The following FYB1 variants were observed in gnomAD, a reference collection of about 807,000 sequenced individuals.
FYB1 encodes FYN binding protein 1.
In FYB1, 41 loss-of-function variants were observed where a neutral mutation model predicts 94.1. The ratio of observed to expected loss-of-function variants is 0.44; its 90% CI spans 0.34 to 0.57. The LOEUF (loss-of-function observed/expected upper bound fraction) is 0.57. Among genes scored for constraint, FYB1 ranks in the 20% least tolerant of loss-of-function variants. FYB1 has a pLI of 0.02. For missense variants in FYB1, 1,050 were observed against 976.8 expected, an observed-to-expected ratio of 1.07 and a Z score of -1.00; for synonymous variants, 367 against 353.2, an observed-to-expected ratio of 1.04 and a Z score of -0.44.
chr5:39,191,119 T>G (rs903752546), intron 2 of FYB1, among the ~76,000 whole-genome samples: 8 of 152,366 alleles, frequency 5.3e-5, no homozygotes, highest in African/African-American at 1.9e-4. Context: ...TATGGATGTC[T>G]GTCTGAGAGA....
At chr5:39,215,474 G>A (rs191968936) in intron 1 of FYB1, among the ~76,000 whole-genome samples, 1 of 152,306 alleles carries the variant, frequency 6.6e-6, no homozygotes, top group Admixed American at 6.5e-5. Context: ...TTTTTTTAAA[G>A]CAGCACTTGC....
At chr5:39,183,808 G>A (rs1178701408) in intron 2 of FYB1, among the ~76,000 whole-genome samples, 1 of 152,166 alleles carries the variant, frequency 6.6e-6, no homozygotes, top group Non-Finnish European at 1.5e-5. Context: ...TAAAAATGGA[G>A]ATACGTAGGC....
chr5:39,238,541 T>G (rs1379340513), intron 1 of FYB1, among the ~76,000 whole-genome samples: 2 of 151,984 alleles, frequency 1.3e-5, no homozygotes, highest in Non-Finnish European at 2.9e-5. Context: ...AAAGAGCAGC[T>G]GTCATGTGAG....
At chr5:39,158,980 T>C (rs1235993527) in intron 2 of FYB1, among the ~76,000 whole-genome samples, 1 of 152,190 alleles carries the variant, frequency 6.6e-6, no homozygotes, top group Non-Finnish European at 1.5e-5. Flanking sequence ...TTAATCTCCA[T>C]GTGATTTAGT....
chr5:39,134,449 C>T (rs1000561072), intron 8 of FYB1, 100 bp from the exon 9 acceptor site: 7 of 1,066,186 alleles, frequency 6.6e-6, no homozygotes, highest in Middle Eastern at 3.1e-4. Context: ...TAAACTTTCC[C>T]CTGATTTATT....
chr5:39,245,956 C>A (rs1480679885), intron 1 of FYB1, among the ~76,000 whole-genome samples: 1 of 152,178 alleles, frequency 6.6e-6, no homozygotes, highest in African/African-American at 2.4e-5. Context: ...ATAGATCTTT[C>A]TTTAAAGCAG....
At chr5:39,263,406 T>G (rs935441506) in intron 1 of FYB1, among the ~76,000 whole-genome samples, 3 of 152,120 alleles carry the variant, frequency 2.0e-5, no homozygotes, top group African/African-American at 4.8e-5. Context: ...GGGATAGATC[T>G]TGCTGCAGAA....
chr5:39,170,048 C>T, intron 2 of FYB1: 1 of 810,354 alleles, frequency 1.2e-6, no homozygotes, highest in Non-Finnish European at 2.2e-6. Context: ...TGAGAGGCCT[C>T]CACTGGTGTC....
upstream of FYB1, among the ~76,000 whole-genome samples, chr5:39,224,531 A>G (rs1750392952): frequency 6.6e-6 from 1 of 152,180 alleles, no homozygotes; most frequent in African/African-American, 2.4e-5. Context: ...AGCCAATCAC[A>G]TCCTGATCAC....
chr5:39,206,720 G>A (rs1748888460), intron 1 of FYB1, among the ~76,000 whole-genome samples: 1 of 152,116 alleles, frequency 6.6e-6, no homozygotes, highest in South Asian at 2.1e-4. Flanking sequence ...TAAACTACAT[G>A]GTGACCTTCC....
intron 2 of FYB1, among the ~76,000 whole-genome samples, chr5:39,200,285 A>T (rs972666287): frequency 2.0e-5 from 3 of 152,164 alleles, no homozygotes; most frequent in Non-Finnish European, 4.4e-5. Context: ...CTTGGTTAGC[A>T]TTTGTGGCAA....
chr5:39,212,914 T>G (rs867857390), intron 1 of FYB1: 1 of 152,124 alleles, frequency 6.6e-6, no homozygotes, highest in Non-Finnish European at 1.5e-5. Context: ...GACTCCTTGC[T>G]TATGTGCTAA....
intron 5 of FYB1, chr5:39,138,922 T>C: frequency 1.8e-6 from 1 of 570,316 alleles, no homozygotes; most frequent in South Asian, 1.9e-5. Context: ...TTGGCTTATT[T>C]AAAATATTTT....
chr5:39,212,979 A>G (rs1749548547), intron 1 of FYB1: 1 of 151,184 alleles, frequency 6.6e-6, no homozygotes, highest in Non-Finnish European at 1.5e-5. Flanking sequence ...CTTTACTAAA[A>G]GTGCTTTTCT....
intron 3 of FYB1, among the ~76,000 whole-genome samples, chr5:39,145,346 A>C (rs948957788): frequency 2.6e-5 from 4 of 152,196 alleles, no homozygotes; most frequent in African/African-American, 9.6e-5. Flanking sequence ...AATGTTTAAA[A>C]ATGAAATTAA....
chr5:39,268,238 T>C (rs1337610974), intron 1 of FYB1, among the ~76,000 whole-genome samples: 2 of 151,462 alleles, frequency 1.3e-5, no homozygotes, highest in Non-Finnish European at 2.9e-5. Context: ...ATTTCTTTTT[T>C]TCTTTTTTTT....
At chr5:39,190,024 A>G (rs973327771) in intron 2 of FYB1, among the ~76,000 whole-genome samples, 16 of 152,366 alleles carry the variant, frequency 1.1e-4, no homozygotes, top group African/African-American at 3.6e-4. Flanking sequence ...TTTGAATAAC[A>G]CACAGGATGA....
chr5:39,230,757 T>C (rs900400100), intron 1 of FYB1, among the ~76,000 whole-genome samples: 1 of 151,722 alleles, frequency 6.6e-6, no homozygotes, highest in African/African-American at 2.4e-5. Context: ...GATGCTGGCA[T>C]CACGGTCTAA....
At chr5:39,231,398 G>A (rs2150571734) in intron 1 of FYB1, among the ~76,000 whole-genome samples, 1 of 152,176 alleles carries the variant, frequency 6.6e-6, no homozygotes, top group South Asian at 2.1e-4. Context: ...GGGTTACAAA[G>A]CTTTCTGTTA....
Sources: allele counts gnomAD v4.1 joint callset (sites outside exome capture counted in the v4.1 genomes callset), GRCh38; gene constraint gnomAD v4.1.1; transcripts MANE v1.5; gene names NCBI Gene and HGNC (gene_info 2026-07-23, HGNC 2026-07-21).